DNM3: variants seen among roughly 807,000 people sequenced by gnomAD.
DNM3 encodes the protein dynamin 3.
A neutral mutation model predicts 101.6 loss-of-function variants in DNM3; 47 were observed. That is an observed-to-expected ratio of 0.46 (90% CI 0.37 to 0.59). The LOEUF (loss-of-function observed/expected upper bound fraction) is 0.59. DNM3 is among the 20% of genes least tolerant of loss of function. DNM3 has a pLI of 0.00. For synonymous variants in DNM3, 385 were observed against 387.9 expected (o/e 0.99, Z 0.09); for missense variants, 849 against 1,085.7 (o/e 0.78, Z 3.06).
chr1:172,172,002 G>A (rs547481862), intron 14 of DNM3, among the ~76,000 whole-genome samples: 3 of 151,656 alleles, frequency 2.0e-5, no homozygotes, highest in African/African-American at 7.3e-5. Context: ...GGTGCCTGTT[G>A]AGTAAGAGGT....
intron 1 of DNM3, among the ~76,000 whole-genome samples, chr1:171,897,665 T>C (rs2037933429): frequency 6.6e-6 from 1 of 152,170 alleles, no homozygotes; most frequent in African/African-American, 2.4e-5. Flanking sequence ...AAAAGAATCT[T>C]CCCAAATTCT....
intron 15 of DNM3, among the ~76,000 whole-genome samples, chr1:172,283,822 T>C (rs2063593153): frequency 6.7e-6 from 1 of 149,558 alleles, no homozygotes; most frequent in Non-Finnish European, 1.5e-5. Context: ...TTGATTTTAT[T>C]GAGATGTAAG....
intron 1 of DNM3, among the ~76,000 whole-genome samples, chr1:171,894,564 C>G (rs2037599867): frequency 6.6e-6 from 1 of 151,980 alleles, no homozygotes; most frequent in South Asian, 2.1e-4. Context: ...ACCACCATGC[C>G]TGGCTAATTT....
chr1:171,883,514 A>G (rs1430073016), intron 1 of DNM3, among the ~76,000 whole-genome samples: 2 of 149,636 alleles, frequency 1.3e-5, no homozygotes, highest in Non-Finnish European at 3.0e-5. Flanking sequence ...CTCTGTTGCT[A>G]AGGCTGGAGT....
chr1:172,068,053 C>A (rs953680440), intron 10 of DNM3, among the ~76,000 whole-genome samples: 1 of 152,194 alleles, frequency 6.6e-6, no homozygotes, highest in Non-Finnish European at 1.5e-5. Flanking sequence ...GTTGGCCGGG[C>A]GTGGTGGCTC....
At chr1:172,365,235 T>TAAGAAA (rs1264622847) in intron 17 of DNM3, among the ~76,000 whole-genome samples, 1 of 151,948 alleles carries the variant, frequency 6.6e-6, no homozygotes, top group Non-Finnish European at 1.5e-5. Flanking sequence ...TCTTTTAGGA[T>TAAGAAA]TATACACTGA....
chr1:172,095,240 A>G (rs530620733), intron 13 of DNM3, among the ~76,000 whole-genome samples: 49 of 152,334 alleles, frequency 3.2e-4, no homozygotes, highest in African/African-American at 9.9e-4. Context: ...ACAGCACCAT[A>G]TAATGAAACA....
At chr1:172,100,058 C>A (rs2054529014) in intron 13 of DNM3, among the ~76,000 whole-genome samples, 2 of 152,124 alleles carry the variant, frequency 1.3e-5, no homozygotes, top group Admixed American at 1.3e-4. Flanking sequence ...AAGACTTTTT[C>A]TTTAAGCAGG....
Position 172,267,222 on chromosome 1 carries a change from C to A in DNM3, c.1769+13540C>A, listed in dbSNP as rs190645534. Reference sequence around the variant, plus strand: ...TGTTTTTCTTATTCATTGCTGTATCCCCAGGGCCTAACACAGTGCCTGGCA... The same window carrying A: ...TGTTTTTCTTATTCATTGCTGTATCACCAGGGCCTAACACAGTGCCTGGCA... On this transcript the variant is annotated intron_variant, in intron 15 of 20. Transcript: ENST00000627582. 5.1e-3 allele frequency among the ~76,000 whole-genome samples: 774 copies of A among 152,178 alleles called. 4 individuals carry two copies. Among genetic ancestry groups the A allele is most frequent in the African/African-American group, 0.018 (729 of 41,522 alleles).
chr1:172,049,586 A>G (rs1206745995), intron 10 of DNM3, among the ~76,000 whole-genome samples: 2 of 152,176 alleles, frequency 1.3e-5, no homozygotes, highest in African/African-American at 4.8e-5. Context: ...CATGAAAAGA[A>G]TATCTTGTAT....
At chr1:172,235,088 T>C (rs1375965480) in intron 14 of DNM3, among the ~76,000 whole-genome samples, 1 of 152,188 alleles carries the variant, frequency 6.6e-6, no homozygotes, top group Non-Finnish European at 1.5e-5. Flanking sequence ...AGAAAATTTT[T>C]GCAATCTACT....
chr1:172,055,178 C>A (rs1318085957), intron 10 of DNM3, among the ~76,000 whole-genome samples: 1 of 152,196 alleles, frequency 6.6e-6, no homozygotes, highest in South Asian at 2.1e-4. Context: ...ATCTTCTCCC[C>A]TTTCTCTCCT....
chr1:172,410,162 T>C lies in DNM3; in HGVS notation c.*2321T>C. Reference sequence around the variant, plus strand: ...AGTGACATTGGAGAATATTTTTAATTTGCTGCAGTACTATGTCATATTATT... The same window carrying C: ...AGTGACATTGGAGAATATTTTTAATCTGCTGCAGTACTATGTCATATTATT... On this transcript the variant is annotated 3_prime_UTR_variant, in exon 21 of 21. Transcript: ENST00000627582. 1 of 985,342 alleles carries C rather than the reference T, an allele frequency of 1.0e-6. No homozygotes were observed. The highest frequency in any genetic ancestry group is 1.7e-5 in the African/African-American group (1 of 57,358). 61.0% of individuals were successfully genotyped at this position (985,342 alleles called of 1,614,324 possible).
In DNM3 at chr1:171,995,815, A is replaced by C. The variant is rs367606536; in HGVS notation, c.589+6667A>C. ...TTTAGATAGTAGAGGACCATTCTTC[A>C]TTCTTTATTTATCTGAATTAGAATC... On this transcript the variant is annotated intron_variant, in intron 4 of 20. Transcript: ENST00000627582. Among the ~76,000 whole-genome samples the C allele has an allele frequency of 4.6e-5, 7 of 152,236 alleles. No individual in the cohort carries two copies. The East Asian group carries it at 9.7e-4, about 21-fold the overall frequency.
chr1:172,332,716 T>A (rs186585710), intron 17 of DNM3, among the ~76,000 whole-genome samples: 29 of 152,324 alleles, frequency 1.9e-4, no homozygotes, highest in African/African-American at 7.0e-4. Context: ...ACACACTGGC[T>A]ATTAATGCTT....
At chr1:172,353,481 A>C (rs982684448) in intron 17 of DNM3, among the ~76,000 whole-genome samples, 6 of 152,170 alleles carry the variant, frequency 3.9e-5, no homozygotes, top group African/African-American at 1.4e-4. Context: ...AAAACAAGTA[A>C]AAATATATAC....
At chr1:172,230,209 CA>C (rs1417755448) in intron 14 of DNM3, among the ~76,000 whole-genome samples, 3 of 152,022 alleles carry the variant, frequency 2.0e-5, no homozygotes. Context: ...TTCATGGGGA[CA>C]AAGCTCTTCA....
chr1:172,357,763 A>G (rs1464100047), intron 17 of DNM3, among the ~76,000 whole-genome samples: 1 of 152,096 alleles, frequency 6.6e-6, no homozygotes, highest in Non-Finnish European at 1.5e-5. Context: ...TTAATTTTCA[A>G]CCTTTTAATA....
intron 1 of DNM3, among the ~76,000 whole-genome samples, chr1:171,871,045 C>T (rs1467658634): frequency 1.3e-5 from 2 of 152,098 alleles, no homozygotes; most frequent in Non-Finnish European, 2.9e-5. Flanking sequence ...GCAAGATGTG[C>T]TAAAGAGGCA....
Sources: allele counts gnomAD v4.1 joint callset (sites outside exome capture counted in the v4.1 genomes callset), GRCh38; gene constraint gnomAD v4.1.1; transcripts MANE v1.5; gene names NCBI Gene and HGNC (gene_info 2026-07-23, HGNC 2026-07-21).